Variants in LPAR1 observed in about 807,000 individuals in gnomAD.
LPAR1 encodes lysophosphatidic acid receptor 1, also known as LPA receptor 1.
LPAR1 carries 5 observed loss-of-function variants against 23.8 expected under a neutral mutation model. The ratio of observed to expected loss-of-function variants is 0.21; its 90% CI spans 0.11 to 0.44. LPAR1 has a LOEUF of 0.44. Among genes scored for constraint, LPAR1 ranks in the 20% least tolerant of loss-of-function variants. The pLI, the probability that LPAR1 is intolerant of heterozygous loss-of-function variation, is 0.99. For missense variants in LPAR1, 311 were observed against 482.8 expected, an observed-to-expected ratio of 0.64 and a Z score of 3.33; for synonymous variants, 160 against 164.7, an observed-to-expected ratio of 0.97 and a Z score of 0.22.
At chr9:110,931,704 T>G (rs111446910) in intron 5 of LPAR1, among the ~76,000 whole-genome samples, 4,563 of 152,136 alleles carry the variant, frequency 0.03, 86 homozygotes, top group African/African-American at 0.1. Flanking sequence ...TTGTATAAGG[T>G]GTAAGGAAGG....
chr9:110,972,201 T>C lies in LPAR1; in HGVS notation c.-84A>G. Reference sequence around the variant, plus strand: ...TTGTTTGCTGATCAGATCGAAGTCATGCTAGGAGAAGCTGTGTACCTGGAA... The same window carrying C: ...TTGTTTGCTGATCAGATCGAAGTCACGCTAGGAGAAGCTGTGTACCTGGAA... On this transcript the variant is annotated 5_prime_UTR_variant, in exon 4 of 6. The change abolishes an upstream ATG in the 5' untranslated region. Transcript: ENST00000683809. The C allele has an allele frequency of 8.1e-7, 1 of 1,227,618 alleles. No individual in the cohort carries two copies. 76.0% of individuals were successfully genotyped at this position (1,227,618 alleles called of 1,614,324 possible). A position where few individuals can be genotyped will look rare whatever the true frequency, so the allele number is the denominator to read the frequency against.
intron 1 of LPAR1, among the ~76,000 whole-genome samples, chr9:111,036,975 T>G (rs1009768420): frequency 6.6e-6 from 1 of 152,172 alleles, no homozygotes; most frequent in Non-Finnish European, 1.5e-5. Flanking sequence ...TAACCATACC[T>G]CTAAAATACA....
chr9:111,011,782 T>G (rs144481233), intron 2 of LPAR1, among the ~76,000 whole-genome samples: 1 of 152,254 alleles, frequency 6.6e-6, no homozygotes, highest in East Asian at 1.9e-4. Context: ...ATATGAGGTG[T>G]TTAGAGAGCA....
At chr9:110,906,068 A>T (rs1414681606) in intron 5 of LPAR1, among the ~76,000 whole-genome samples, 1 of 152,236 alleles carries the variant, frequency 6.6e-6, no homozygotes, top group African/African-American at 2.4e-5. Context: ...ATGGATTTGG[A>T]AACAAAGTAA....
chr9:110,950,755 A>G (rs942138390), intron 4 of LPAR1, among the ~76,000 whole-genome samples: 1 of 152,210 alleles, frequency 6.6e-6, no homozygotes, highest in African/African-American at 2.4e-5. Context: ...AAACCTAAAT[A>G]AATGAAGAAA....
rs115993848 is a variant in LPAR1, at chr9:110,985,796, C to T, written c.-181-12238G>A. On this transcript the variant is annotated intron_variant, in intron 2 of 5. Transcript: ENST00000683809. ...ACTATGAAGGCAAAGGATATATTGGCCAAACTGTTTAGCCTCAAGGTCAAG... is the reference window on the plus strand; with the variant it reads ...ACTATGAAGGCAAAGGATATATTGGTCAAACTGTTTAGCCTCAAGGTCAAG... 2.4e-3 allele frequency among the ~76,000 whole-genome samples: 363 copies of T among 152,118 alleles called. 1 individual carries two copies. The highest frequency in any genetic ancestry group is 8.0e-3 in the African/African-American group (331 of 41,508).
At chr9:111,024,552 A>T (rs1163269106) in intron 2 of LPAR1, among the ~76,000 whole-genome samples, 3 of 35,084 alleles carry the variant, frequency 8.6e-5, no homozygotes, top group Non-Finnish European at 2.1e-4. Context: ...GTGTATATAT[A>T]TACACACACA....
chr9:110,908,549 T>C (rs1446963111), intron 5 of LPAR1, among the ~76,000 whole-genome samples: 5 of 152,206 alleles, frequency 3.3e-5, no homozygotes, highest in African/African-American at 7.2e-5. Flanking sequence ...TTTTAGTAAC[T>C]GCATTGAATG....
chr9:110,999,509 CT>C, intron 2 of LPAR1: 1 of 449,398 alleles, frequency 2.2e-6, no homozygotes, highest in Non-Finnish European at 4.5e-6. Flanking sequence ...TCAGTTCAGG[CT>C]GCTATGAAAG....
intron 5 of LPAR1, among the ~76,000 whole-genome samples, chr9:110,902,407 G>A (rs924477713): frequency 2.6e-5 from 4 of 152,176 alleles, no homozygotes; most frequent in East Asian, 1.9e-4. Context: ...AAGTTATCAC[G>A]ACATCTGATG....
intron 2 of LPAR1, among the ~76,000 whole-genome samples, chr9:111,019,402 G>A (rs1383058771): frequency 1.3e-5 from 2 of 152,104 alleles, no homozygotes; most frequent in African/African-American, 4.8e-5. Flanking sequence ...TTTAAGATGT[G>A]TTCACTGGAA....
At chr9:110,994,942 C>T (rs964690155) in intron 2 of LPAR1, among the ~76,000 whole-genome samples, 10 of 152,156 alleles carry the variant, frequency 6.6e-5, no homozygotes, top group African/African-American at 2.4e-4. Context: ...GTCAACAGCG[C>T]AGGCAGCATC....
At chr9:110,951,653 G>C (rs1323035359) in intron 4 of LPAR1, among the ~76,000 whole-genome samples, 1 of 152,128 alleles carries the variant, frequency 6.6e-6, no homozygotes, top group African/African-American at 2.4e-5. Flanking sequence ...AGTGAGGTCA[G>C]TCCTACAGTG....
At chr9:110,916,327 T>C (rs1290211984) in intron 5 of LPAR1, among the ~76,000 whole-genome samples, 1 of 152,166 alleles carries the variant, frequency 6.6e-6, no homozygotes, top group Non-Finnish European at 1.5e-5. Flanking sequence ...TTACTCTAAA[T>C]CTGGATGCCT....
At chr9:110,947,434 T>C (rs544334618) in intron 4 of LPAR1, among the ~76,000 whole-genome samples, 67 of 152,324 alleles carry the variant, frequency 4.4e-4, no homozygotes, top group African/African-American at 1.5e-3. Flanking sequence ...CTTAGGATGA[T>C]AGGGTTCGAG....
rs1315024271 is a variant in LPAR1, at chr9:110,926,068, C to G, written c.793+15353G>C. 2.6e-5 allele frequency among the ~76,000 whole-genome samples: 4 copies of G among 152,254 alleles called. No homozygotes were observed. The East Asian group carries it at 7.7e-4, about 29-fold the overall frequency. The stretch of plus-strand genomic sequence containing the variant: ...CCTGAGTAGCTTGGACTACAGGCGC[C>G]TGCCACTGCGCCCGGCTAATTTTTT... On this transcript the variant is annotated intron_variant, in intron 5 of 5. Coordinates refer to ENST00000683809, the MANE Select transcript of LPAR1 (RefSeq NM_001351411.2).
chr9:111,007,555 C>A (rs2097245213), intron 2 of LPAR1, among the ~76,000 whole-genome samples: 1 of 152,054 alleles, frequency 6.6e-6, no homozygotes, highest in South Asian at 2.1e-4. Flanking sequence ...ATTAAATAAT[C>A]TAATTTTAAA....
In LPAR1 at chr9:110,941,337, T is replaced by C. The variant is rs1451549002; in HGVS notation, c.793+84A>G. 4 of 1,255,726 alleles carry C rather than the reference T, an allele frequency of 3.2e-6. No homozygotes were observed. Among genetic ancestry groups the C allele is most frequent in the Non-Finnish European group, 4.4e-6 (4 of 906,040 alleles). 77.8% of individuals were successfully genotyped at this position (1,255,726 alleles called of 1,614,324 possible). ...AATTACCTGGTGAATATTCATACTG[T>C]TGGTTACCTCTGACATAAAATAATG... is the stretch of plus-strand genomic sequence containing the variant. On this transcript the variant is annotated intron_variant, in intron 5 of 5. Transcript: ENST00000683809. This position sits in a 1 kb window ranked among gnomAD's most constrained non-coding sequence, Gnocchi z 6.1.
At chr9:110,921,923 A>T (rs1007068806) in intron 5 of LPAR1, among the ~76,000 whole-genome samples, 2 of 152,122 alleles carry the variant, frequency 1.3e-5, no homozygotes, top group African/African-American at 4.8e-5. Context: ...ACATCAATTG[A>T]CCTACAGCCA....
Sources: allele counts gnomAD v4.1 joint callset (sites outside exome capture counted in the v4.1 genomes callset), GRCh38; gene constraint gnomAD v4.1.1; non-coding constraint Gnocchi (gnomAD v3.1); transcripts MANE v1.5; gene names NCBI Gene and HGNC (gene_info 2026-07-23, HGNC 2026-07-21).